Variants in AMH observed in about 807,000 individuals in gnomAD.
The protein encoded by AMH is anti-Mullerian hormone, also known as anti-Muellerian hormone.
AMH carries 39 observed loss-of-function variants against 33.3 expected under a neutral mutation model. That is an observed-to-expected ratio of 1.17 (90% CI 0.91 to 1.53). The LOEUF (loss-of-function observed/expected upper bound fraction) is 1.53, where lower values mean the gene tolerates loss of function less well. AMH is among the 40% of genes most tolerant of loss of function. AMH has a pLI of 0.00. For missense variants in AMH, 1,019 were observed against 799.8 expected, an observed-to-expected ratio of 1.27 and a Z score of -3.30; for synonymous variants, 536 against 403.0, an observed-to-expected ratio of 1.33 and a Z score of -3.95.
Position 2,250,381 on chromosome 19 carries a change from C to G in AMH, c.457C>G (p.Pro153Ala). Residue 153 changes from proline to alanine, a missense_variant, in exon 2 of 5, where the codon CCT becomes GCT. Physicochemically the swap from Pro to Ala is conservative, Grantham distance 27. Transcript: ENST00000221496. The part of the protein sequence containing the change: ...TPSLRFQEPP[P>A]GGAGPPELAL... ...CTCGCTGAGGTTCCAGGAGCCCCCG[C>G]CTGGAGGAGCTGGCCCCCCAGAGCT... 1 of 1,592,096 alleles carries G rather than the reference C, an allele frequency of 6.3e-7. No individual in the cohort carries two copies. Among genetic ancestry groups the G allele is most frequent in the Non-Finnish European group, 8.5e-7 (1 of 1,171,146 alleles).
Position 2,251,584 on chromosome 19 carries a change from A to G in AMH, c.1310A>G (p.Glu437Gly). 1 of 1,290,394 alleles carries G rather than the reference A, an allele frequency of 7.7e-7. No individual in the cohort carries two copies. 79.9% of individuals were successfully genotyped at this position (1,290,394 alleles called of 1,614,324 possible). The change falls in exon 5 of 5, where the codon GAG becomes GGG. Residue 437 changes from glutamate (E) to glycine (G), a missense_variant. Coordinates refer to ENST00000221496, the MANE Select transcript of AMH (RefSeq NM_000479.5). Reference sequence around the variant, plus strand: ...AAGGCGCTGCAGGGCCTGCGCGTGGAGTGGCGCGGGCGGGATCCGCGCGGG... The same window carrying G: ...AAGGCGCTGCAGGGCCTGCGCGTGGGGTGGCGCGGGCGGGATCCGCGCGGG... ...LLKALQGLRV[E>G]WRGRDPRGPG...
chr19:2,251,634 G>A lies in AMH; in HGVS notation c.1360G>A (p.Gly454Arg). Reference protein sequence around the residue: ...RGPGRAQRSAGATAADGPCAL... With the variant: ...RGPGRAQRSARATAADGPCAL... ...GCCGGGTCGGGCACAGCGCAGCGCG[G>A]GGGCCACCGCCGCCGACGGGCCGTG... The change falls in exon 5 of 5, where the codon GGG becomes AGG. Residue 454 changes from glycine to arginine, a missense_variant. Coordinates refer to ENST00000221496, the MANE Select transcript of AMH (RefSeq NM_000479.5). 6.3e-7 allele frequency: 1 copy of A among 1,580,934 alleles called. No individual in the cohort carries two copies. Among genetic ancestry groups the A allele is most frequent in the Non-Finnish European group, 8.6e-7 (1 of 1,167,184 alleles).
chr19:2,250,682 C>T lies in AMH; in HGVS notation c.586C>T (p.Leu196=), dbSNP rs911593626. Residue 196 remains leucine, a synonymous_variant, in exon 3 of 5, where the codon CTG becomes TTG. Transcript: ENST00000221496. The part of the protein sequence containing the change: ...SLCPSRDTRY[L]VLAVDRPAGA... ...CTGCCCCTCCCGAGACACCCGCTAC[C>T]TGGTGTTAGCGGTGGACCGCCCTGC... The T allele has an allele frequency of 6.5e-7, 1 of 1,539,788 alleles. No individual in the cohort carries two copies.
At position 2,251,174 on chromosome 19, in the gene AMH, G is replaced by T. The variant is rs1418121808; in HGVS notation, c.900G>T (p.Ala300=). Residue 300 remains alanine (A), a synonymous_variant, in exon 5 of 5, where the codon GCG becomes GCT. Transcript: ENST00000221496. ...FLETLTRLVR[A]LRVPPARASA... ...AGACGCTCACGCGCCTGGTGCGGGC[G>T]CTGCGGGTCCCCCCGGCCCGGGCCT... is the stretch of plus-strand genomic sequence containing the variant. 6 of 1,514,116 alleles carry T rather than the reference G, an allele frequency of 4.0e-6. No homozygotes were observed. The highest frequency in any genetic ancestry group is 1.2e-5 in the South Asian group (1 of 81,660). 93.8% of individuals were successfully genotyped at this position (1,514,116 alleles called of 1,614,324 possible).
chr19:2,249,875 G>T, intron 1 of AMH, 131 bp downstream of exon 1: 1 of 1,117,268 alleles, frequency 9.0e-7, no homozygotes, highest in South Asian at 1.8e-5. Context: ...TCCTAGGACT[G>T]GGTTGCGGGT....
Position 2,250,321 on chromosome 19 carries a change from G to A in AMH, c.413-16G>A. 1 of 1,590,266 alleles carries A rather than the reference G, an allele frequency of 6.3e-7. No individual in the cohort carries two copies. Among genetic ancestry groups the A allele is most frequent in the Non-Finnish European group, 8.5e-7 (1 of 1,173,754 alleles). On this transcript the variant is annotated splice_polypyrimidine_tract_variant and intron_variant, in intron 1 of 4. Transcript: ENST00000221496. ...GCCTTCAATGGCTCAGGCGTCCCCT[G>A]CTGTCCCGGCTGCAGTGACCTGGGA...
At position 2,250,990 on chromosome 19, in the gene AMH, T is replaced by G. The variant is rs1381541412; in HGVS notation, c.806T>G (p.Val269Gly). ...CCTGCGCACGGCCAGCTGGACACCGTGCCCTTCCCGCCGCCCAGGTGCGCG... is the reference window on the plus strand; with the variant it reads ...CCTGCGCACGGCCAGCTGGACACCGGGCCCTTCCCGCCGCCCAGGTGCGCG... The part of the protein sequence containing the change: ...PLPAHGQLDT[V>G]PFPPPRPSAE... The change falls in exon 4 of 5, where the codon GTG becomes GGG. Residue 269 changes from valine (V) to glycine (G), a missense_variant. Val to Gly is a moderately radical substitution (Grantham distance 109). Coordinates refer to ENST00000221496, the MANE Select transcript of AMH (RefSeq NM_000479.5). 1 of 1,515,420 alleles carries G rather than the reference T, an allele frequency of 6.6e-7. No individual in the cohort carries two copies. The highest frequency in any genetic ancestry group is 1.2e-5 in the South Asian group (1 of 81,890). The allele number at this position is 1,515,420 out of a possible 1,614,324, so 93.9% of individuals were successfully genotyped here. A position where few individuals can be genotyped will look rare whatever the true frequency, so the allele number is the denominator to read the frequency against.
intron 1 of AMH, 154 bp from the exon 2 acceptor site, chr19:2,250,183 G>T (rs751422546): frequency 1.5e-5 from 19 of 1,294,840 alleles, no homozygotes; most frequent in South Asian, 2.6e-5. Flanking sequence ...TGCCGTCACC[G>T]CTCCCTGGCT....
chr19:2,249,862 T>G, intron 1 of AMH, 118 bp downstream of exon 1: 1 of 1,234,618 alleles, frequency 8.1e-7, no homozygotes, highest in Non-Finnish European at 1.1e-6. Context: ...GCTGTGGTCT[T>G]GTTCCTAGGA....
In AMH at chr19:2,251,753, C is replaced by T; in HGVS notation, c.1479C>T (p.Gly493=). The T allele has an allele frequency of 1.2e-6, 2 of 1,611,614 alleles. No homozygotes were observed. The highest frequency in any genetic ancestry group is 1.7e-6 in the Non-Finnish European group (2 of 1,179,626). The change falls in exon 5 of 5, where the codon GGC becomes GGT. Residue 493 remains glycine, a synonymous_variant. Coordinates refer to ENST00000221496, the MANE Select transcript of AMH (RefSeq NM_000479.5). ...YQANNCQGVC[G]WPQSDRNPRY... ...CCAACAATTGCCAGGGCGTGTGCGGCTGGCCTCAGTCCGACCGCAACCCGC... is the reference window on the plus strand; with the variant it reads ...CCAACAATTGCCAGGGCGTGTGCGGTTGGCCTCAGTCCGACCGCAACCCGC...
rs2024989746 is a variant in AMH, at chr19:2,249,520, G to A, written c.188G>A (p.Ser63Asn). 3.1e-6 allele frequency: 5 copies of A among 1,603,206 alleles called. No homozygotes were observed. The highest frequency in any genetic ancestry group is 1.7e-5 in the Admixed American group (1 of 59,014). ...TGCCTGGTGGCACTGGGCGGGGACA[G>A]CAATGGCAGCAGCTCCCCCCTGCGG... ...PLCLVALGGD[S>N]NGSSSPLRVV... is the part of the protein sequence containing the mutation. Residue 63 changes from serine (S) to asparagine (N), a missense_variant, in exon 1 of 5, where the codon AGC becomes AAC. Physicochemically the swap from Ser to Asn is conservative, Grantham distance 46. Coordinates refer to ENST00000221496, the MANE Select transcript of AMH (RefSeq NM_000479.5).
chr19:2,249,784 C>G, intron 1 of AMH, 40 bp downstream of exon 1: 1 of 1,466,382 alleles, frequency 6.8e-7, no homozygotes, highest in Non-Finnish European at 9.0e-7. Flanking sequence ...CCGCCGTCTT[C>G]CTTCAGGTGG....
At position 2,251,839 on chromosome 19, in the gene AMH, G is replaced by A. The variant is rs1313085006; in HGVS notation, c.1565G>A (p.Arg522His). The A allele has an allele frequency of 1.3e-6, 2 of 1,597,684 alleles. No individual in the cohort carries two copies. The highest frequency in any genetic ancestry group is 1.7e-5 in the Admixed American group (1 of 59,450). ...KMQVRGAALA[R>H]PPCCVPTAYA... ...CAGGTCCGTGGGGCCGCCCTGGCGC[G>A]CCCACCCTGCTGCGTGCCCACCGCC... The change falls in exon 5 of 5, where the codon CGC becomes CAC. Residue 522 changes from arginine to histidine, a missense_variant. Coordinates refer to ENST00000221496, the MANE Select transcript of AMH (RefSeq NM_000479.5).
intron 1 of AMH, 185 bp downstream of exon 1, chr19:2,249,929 A>G (rs540196261): frequency 1.0e-4 from 73 of 733,382 alleles, no homozygotes; most frequent in Non-Finnish European, 1.4e-4. Flanking sequence ...CTGTCCCCGA[A>G]GCCCAGCTCT....
At position 2,251,122 on chromosome 19, in the gene AMH, C is replaced by T. The variant is rs1253662800; in HGVS notation, c.848C>T (p.Ser283Leu). The stretch of plus-strand genomic sequence containing the variant: ...AGGCCATCCGCGGAACTCGAGGAGT[C>T]GCCACCCAGCGCAGACCCCTTCCTG... Reference protein sequence around the residue: ...PPRPSAELEESPPSADPFLET... With the variant: ...PPRPSAELEELPPSADPFLET... Residue 283 changes from serine to leucine, a missense_variant, in exon 5 of 5, where the codon TCG becomes TTG. Ser to Leu is a moderately radical substitution (Grantham distance 145, BLOSUM62 -2). Transcript: ENST00000221496. The T allele has an allele frequency of 6.5e-7, 1 of 1,540,500 alleles. No homozygotes were observed. The highest frequency in any genetic ancestry group is 8.7e-7 in the Non-Finnish European group (1 of 1,150,356).
Position 2,251,250 on chromosome 19 carries a change from G to A in AMH, c.976G>A (p.Gly326Ser). The A allele has an allele frequency of 6.6e-7, 1 of 1,504,314 alleles. No individual in the cohort carries two copies. The highest frequency in any genetic ancestry group is 8.8e-7 in the Non-Finnish European group (1 of 1,134,388). 93.2% of individuals were successfully genotyped at this position (1,504,314 alleles called of 1,614,324 possible). A position where few individuals can be genotyped will look rare whatever the true frequency, so the allele number is the denominator to read the frequency against. The change falls in exon 5 of 5, where the codon GGC (glycine) becomes AGC (serine). Residue 326 changes from glycine (G) to serine (S), a missense_variant. By Grantham distance (56) the Gly-to-Ser change is moderately conservative. Transcript: ENST00000221496. ...GGACGCGCTGGCCGGCTTCCCGCAGGGCCTAGTCAACCTGTCGGACCCCGC... is the reference window on the plus strand; with the variant it reads ...GGACGCGCTGGCCGGCTTCCCGCAGAGCCTAGTCAACCTGTCGGACCCCGC... ...DPDALAGFPQ[G>S]LVNLSDPAAL...
At position 2,251,953 on chromosome 19, in the gene AMH, G is replaced by A. The variant is rs1366538420; in HGVS notation, c.1679G>A (p.Arg560Gln). 2.6e-6 allele frequency: 4 copies of A among 1,544,146 alleles called. No individual in the cohort carries two copies. The highest frequency in any genetic ancestry group is 1.4e-5 in the African/African-American group (1 of 73,340). Residue 560 changes from arginine (R) to glutamine (Q), a missense_variant, in exon 5 of 5, where the codon CGG becomes CAG. Coordinates refer to ENST00000221496, the MANE Select transcript of AMH (RefSeq NM_000479.5). ...ATGGTGGCCACCGAGTGTGGCTGCC[G>A]GTGACCCCTGCGCCGCGCGGACTCC... is the stretch of plus-strand genomic sequence containing the variant. ...PNMVATECGCR is the reference protein window; with the variant it reads ...PNMVATECGCQ
In AMH at chr19:2,251,209, G is replaced by T. The variant is rs548613810; in HGVS notation, c.935G>T (p.Arg312Leu). 4.0e-6 allele frequency: 6 copies of T among 1,504,042 alleles called. No homozygotes were observed. The highest frequency in any genetic ancestry group is 2.7e-5 in the East Asian group (1 of 37,510). 93.2% of individuals were successfully genotyped at this position (1,504,042 alleles called of 1,614,324 possible). A position where few individuals can be genotyped will look rare whatever the true frequency, so the allele number is the denominator to read the frequency against. The change falls in exon 5 of 5, where the codon CGC becomes CTC. Residue 312 changes from arginine to leucine, a missense_variant. Coordinates refer to ENST00000221496, the MANE Select transcript of AMH (RefSeq NM_000479.5). ...CCCCCGGCCCGGGCCTCCGCGCCGC[G>T]CCTGGCCCTGGATCCGGACGCGCTG... is the stretch of plus-strand genomic sequence containing the variant. ...RVPPARASAP[R>L]LALDPDALAG...
chr19:2,250,062 C>A, intron 1 of AMH: 1 of 626,582 alleles, frequency 1.6e-6, no homozygotes, highest in Non-Finnish European at 2.8e-6. Flanking sequence ...TTCTCAGGGC[C>A]GCTGGCCTAA....
Sources: allele counts gnomAD v4.1 joint callset, GRCh38; gene constraint gnomAD v4.1.1; transcripts MANE v1.5; gene names NCBI Gene and HGNC (gene_info 2026-07-23, HGNC 2026-07-21).